Variants in ADAM9 observed in about 807,000 individuals in gnomAD.
ADAM9 encodes disintegrin and metalloproteinase domain-containing protein 9.
Under a neutral mutation model 108.1 loss-of-function variants are expected in ADAM9, and 54 were observed. That is an observed-to-expected ratio of 0.50 (90% CI 0.40 to 0.63). The LOEUF (loss-of-function observed/expected upper bound fraction) is 0.63. Among genes scored for constraint, ADAM9 ranks in the 20% least tolerant of loss-of-function variants. The probability of loss-of-function intolerance (pLI) is 0.00; values close to 1 mark genes in which losing one functional copy is unlikely to be tolerated. For missense variants in ADAM9, 830 were observed against 997.7 expected (o/e 0.83, Z 2.26); for synonymous variants, 316 against 336.0 (o/e 0.94, Z 0.65).
chr8:39,026,141 G>T (rs908396230), intron 10 of ADAM9, among the ~76,000 whole-genome samples: 18 of 152,094 alleles, frequency 1.2e-4, no homozygotes, highest in Non-Finnish European at 1.0e-4. Context: ...GAATGTCCAG[G>T]TTTGTTACAT....
intron 1 of ADAM9, among the ~76,000 whole-genome samples, chr8:39,004,240 G>T (rs1477923771): frequency 8.6e-5 from 13 of 151,566 alleles, no homozygotes; most frequent in Admixed American, 2.0e-4. Context: ...TTTTGGCAGG[G>T]TCTCCCTCTG....
rs371032333 is a variant in ADAM9 at position 39,017,203 on chromosome 8, G to A, written c.411-16G>A. 8.9e-5 allele frequency: 143 copies of A among 1,613,638 alleles called. No individual in the cohort carries two copies. Among genetic ancestry groups the A allele is most frequent in the Non-Finnish European group, 1.1e-4 (134 of 1,179,708 alleles). On this transcript the variant is annotated splice_polypyrimidine_tract_variant and intron_variant, in intron 5 of 21. Transcript: ENST00000487273. The stretch of plus-strand genomic sequence containing the variant: ...TCTTTTTCTTAAAATTTGTATACGT[G>A]TAATGCAACATTCAGAGGATTGCTG...
intron 1 of ADAM9, among the ~76,000 whole-genome samples, chr8:38,997,551 A>G (rs905456507): frequency 9.9e-5 from 15 of 152,150 alleles, no homozygotes; most frequent in African/African-American, 3.6e-4. Flanking sequence ...CAGTCCTCCA[A>G]ACGCCTGCAG....
At chr8:39,014,875 C>T in intron 4 of ADAM9, 1 of 277,946 alleles carries the variant, frequency 3.6e-6, no homozygotes, top group South Asian at 6.8e-5. Flanking sequence ...CTGACTTAGG[C>T]CTATCTTCTG....
At chr8:39,071,163 G>T in intron 14 of ADAM9, 135 bp from the exon 15 acceptor site, 1 of 694,114 alleles carries the variant, frequency 1.4e-6, no homozygotes, top group Non-Finnish European at 2.4e-6. Flanking sequence ...TGTGAGGCAG[G>T]AAAGGTTTTC....
At chr8:39,032,545 G>T (rs1837130533) in intron 11 of ADAM9, among the ~76,000 whole-genome samples, 1 of 152,246 alleles carries the variant, frequency 6.6e-6, no homozygotes, top group Non-Finnish European at 1.5e-5. Flanking sequence ...ATTTGGGTGG[G>T]GTTGTCCCAA....
intron 11 of ADAM9, among the ~76,000 whole-genome samples, chr8:39,038,836 G>T (rs1348627043): frequency 1.3e-4 from 20 of 152,194 alleles, no homozygotes; most frequent in Admixed American, 1.3e-3. Context: ...TTCTTTCCGT[G>T]AGTCAGAATT....
At chr8:39,026,408 A>T (rs1836923014) in intron 10 of ADAM9, among the ~76,000 whole-genome samples, 2 of 152,332 alleles carry the variant, frequency 1.3e-5, no homozygotes, top group South Asian at 4.1e-4. Flanking sequence ...TAGAACCATT[A>T]ACTTGTTTTC....
At chr8:39,061,762 T>C (rs968164603) in intron 14 of ADAM9, among the ~76,000 whole-genome samples, 1 of 152,126 alleles carries the variant, frequency 6.6e-6, no homozygotes, top group African/African-American at 2.4e-5. Context: ...ACAATATTAA[T>C]CTTATCCCAG....
chr8:39,006,487 A>C (rs2129431841), intron 1 of ADAM9, among the ~76,000 whole-genome samples: 1 of 150,872 alleles, frequency 6.6e-6, no homozygotes, highest in Non-Finnish European at 1.5e-5. Context: ...CTCATGAGTG[A>C]ATGAACATAT....
At chr8:39,060,617 G>T (rs1838269525) in intron 14 of ADAM9, among the ~76,000 whole-genome samples, 1 of 152,160 alleles carries the variant, frequency 6.6e-6, no homozygotes, top group Non-Finnish European at 1.5e-5. Context: ...GAGGTAGAAG[G>T]CACCTGAATT....
In ADAM9 at chr8:39,065,659, C is replaced by CAA. The variant is rs33990237; in HGVS notation, c.1592-5617_1592-5616dup. On this transcript the variant is annotated intron_variant, in intron 14 of 21. Transcript: ENST00000487273. ...TGGGCGACAGTGCGAGGCTACATCT[C>CAA]AAAAAAAAAAAAAAAAAAAAAAAGG... 6.3e-3 allele frequency among the ~76,000 whole-genome samples: 455 copies of CAA among 72,726 alleles called. 7 individuals carry two copies. Among genetic ancestry groups the CAA allele is most frequent in the African/African-American group, 0.017 (300 of 17,568 alleles). 47.7% of individuals were successfully genotyped at this position (72,726 alleles called of 152,430 possible).
intron 20 of ADAM9, among the ~76,000 whole-genome samples, chr8:39,099,875 G>GTTTTTTT (rs111740274): frequency 3.4e-5 from 3 of 89,546 alleles, no homozygotes; most frequent in African/African-American, 1.3e-4. Context: ...TATCGTGTTT[G>GTTTTTTT]TTTTTTTTTT....
At chr8:39,015,403 A>G (rs1029343275) in intron 4 of ADAM9, 3 of 152,200 alleles carry the variant, frequency 2.0e-5, no homozygotes, top group South Asian at 4.1e-4. Context: ...TTATGTAACT[A>G]TTATCTTATA....
intron 12 of ADAM9, among the ~76,000 whole-genome samples, chr8:39,044,999 C>T (rs1463683708): frequency 6.9e-5 from 9 of 131,034 alleles, no homozygotes; most frequent in African/African-American, 2.2e-4. Flanking sequence ...TGTGTGTGCA[C>T]ACATACCTAT....
intron 1 of ADAM9, among the ~76,000 whole-genome samples, chr8:39,001,871 T>C (rs886128300): frequency 1.3e-5 from 2 of 151,948 alleles, no homozygotes; most frequent in Admixed American, 6.6e-5. Context: ...GGTTTCACCA[T>C]GTTGGCAAGG....
intron 1 of ADAM9, among the ~76,000 whole-genome samples, chr8:39,003,485 TAA>T (rs11420960): frequency 1.4e-5 from 2 of 146,182 alleles, no homozygotes; most frequent in Non-Finnish European, 3.0e-5. Flanking sequence ...ATTTGGAATT[TAA>T]AAAAAAAAAA....
intron 15 of ADAM9, among the ~76,000 whole-genome samples, chr8:39,075,468 G>A (rs1838826426): frequency 6.6e-6 from 1 of 152,180 alleles, no homozygotes; most frequent in Non-Finnish European, 1.5e-5. Context: ...ATCCTTGCCT[G>A]AAGCAATTAT....
At chr8:39,059,072 A>C (rs749667272) in intron 14 of ADAM9, among the ~76,000 whole-genome samples, 1 of 152,222 alleles carries the variant, frequency 6.6e-6, no homozygotes, top group Non-Finnish European at 1.5e-5. Context: ...TGGTAAGGCC[A>C]GTGAATTCCA....
Sources: gnomAD v4.1 joint callset for allele counts (sites outside exome capture counted in the v4.1 genomes callset) on GRCh38, gnomAD v4.1.1 for gene constraint, MANE v1.5 for transcripts, NCBI Gene and HGNC (gene_info 2026-07-23, HGNC 2026-07-21) for gene names.